The following DOK6 variants were observed in gnomAD, a reference collection of about 807,000 sequenced individuals.
DOK6 encodes the protein docking protein 6, also known as downstream of tyrosine kinase 6.
Under a neutral mutation model 44.0 loss-of-function variants are expected in DOK6, and 22 were observed. That is an observed-to-expected ratio of 0.50 (90% confidence interval 0.36 to 0.71). The LOEUF (loss-of-function observed/expected upper bound fraction) is 0.71. DOK6 is among the 30% of genes least tolerant of loss of function. The pLI, the probability that DOK6 is intolerant of heterozygous loss-of-function variation, is 0.00. For synonymous variants in DOK6, 166 were observed against 145.5 expected, an observed-to-expected ratio of 1.14 and a Z score of -1.01; for missense variants, 340 against 416.4, an observed-to-expected ratio of 0.82 and a Z score of 1.60.
At chr18:69,575,421 T>A (rs1214977094) in intron 2 of DOK6, among the ~76,000 whole-genome samples, 1 of 152,086 alleles carries the variant, frequency 6.6e-6, no homozygotes, top group African/African-American at 2.4e-5. Flanking sequence ...TCAAAGCCCA[T>A]GTGCAAAAGC....
At chr18:69,821,100 C>T (rs1319840857) in intron 7 of DOK6, among the ~76,000 whole-genome samples, 1 of 152,030 alleles carries the variant, frequency 6.6e-6, no homozygotes, top group African/African-American at 2.4e-5. Context: ...ATTACATTAT[C>T]ATATTTTTGT....
chr18:69,433,996 C>T (rs1340598728), intron 1 of DOK6, among the ~76,000 whole-genome samples: 1 of 152,190 alleles, frequency 6.6e-6, no homozygotes, highest in Non-Finnish European at 1.5e-5. Context: ...ATTTCCTGAT[C>T]ACACATGATT....
intron 4 of DOK6, among the ~76,000 whole-genome samples, chr18:69,680,424 C>G (rs1986018807): frequency 6.6e-6 from 1 of 152,226 alleles, no homozygotes; most frequent in South Asian, 2.1e-4. Context: ...CTTTAAAGAA[C>G]TTCCATAACT....
chr18:69,734,727 A>T (rs1040297367), intron 5 of DOK6, among the ~76,000 whole-genome samples: 3 of 152,168 alleles, frequency 2.0e-5, no homozygotes, highest in African/African-American at 7.2e-5. Flanking sequence ...AGATGGACAA[A>T]ATTGCCAGAT....
At position 69,444,605 on chromosome 18, in the gene DOK6, G is replaced by C. The variant is rs559922629; in HGVS notation, c.66+43295G>C. Among the ~76,000 whole-genome samples, 5 of 148,326 alleles carry C rather than the reference G, an allele frequency of 3.4e-5. No individual in the cohort carries two copies. In the South Asian group the frequency reaches 1.1e-3, roughly 32 times the overall value. ...TTATTTTTATTTTTAATTTATATAA[G>C]TTATTATTGAGGCAAAGTTAACATA... is the stretch of plus-strand genomic sequence containing the variant. On this transcript the variant is annotated intron_variant, in intron 1 of 7. Transcript: ENST00000382713.
chr18:69,824,665 T>G (rs950123803), intron 7 of DOK6, among the ~76,000 whole-genome samples: 1 of 152,216 alleles, frequency 6.6e-6, no homozygotes, highest in Non-Finnish European at 1.5e-5. Flanking sequence ...CCAGTGTCCT[T>G]CAAATTTTTA....
At chr18:69,597,093 T>C (rs1340300383) in intron 2 of DOK6, among the ~76,000 whole-genome samples, 1 of 151,988 alleles carries the variant, frequency 6.6e-6, no homozygotes, top group African/African-American at 2.4e-5. Flanking sequence ...ATAAATATGA[T>C]GTAATGTTGG....
intron 3 of DOK6, among the ~76,000 whole-genome samples, chr18:69,613,816 TA>T (rs1469822044): frequency 6.6e-6 from 1 of 151,812 alleles, no homozygotes; most frequent in Non-Finnish European, 1.5e-5. Context: ...ATAATGAGGA[TA>T]TTTTTATAGG....
In DOK6 at chr18:69,692,262, T is replaced by A. The variant is rs372036815; in HGVS notation, c.410-6142T>A. Among the ~76,000 whole-genome samples, 27 of 152,300 alleles carry A rather than the reference T, an allele frequency of 1.8e-4. 1 individual carries two copies. In the South Asian group the frequency reaches 4.8e-3, roughly 27 times the overall value. Reference sequence around the variant, plus strand: ...TTAAAATTATCAATTACACCAGTCATCTCATCTGAGACATAAAGTTGACAA... The same window carrying A: ...TTAAAATTATCAATTACACCAGTCAACTCATCTGAGACATAAAGTTGACAA... On this transcript the variant is annotated intron_variant, in intron 4 of 7. Transcript: ENST00000382713.
intron 3 of DOK6, among the ~76,000 whole-genome samples, chr18:69,612,441 G>A (rs10084097): frequency 7.0e-6 from 1 of 143,410 alleles, no homozygotes; most frequent in Non-Finnish European, 1.6e-5. Flanking sequence ...ATGTGTGCGA[G>A]GGCGCATGTG....
At chr18:69,665,485 A>G (rs922865789) in intron 3 of DOK6, among the ~76,000 whole-genome samples, 4 of 152,136 alleles carry the variant, frequency 2.6e-5, no homozygotes, top group Non-Finnish European at 4.4e-5. Flanking sequence ...GTAATTTTGC[A>G]CTCTGGGAGG....
chr18:69,643,528 G>A (rs1984995315), intron 3 of DOK6: 1 of 152,050 alleles, frequency 6.6e-6, no homozygotes, highest in Non-Finnish European at 1.5e-5. Flanking sequence ...TGTAACTTTT[G>A]GGGATTGGCT....
intron 1 of DOK6, among the ~76,000 whole-genome samples, chr18:69,455,094 T>C (rs917930605): frequency 4.1e-5 from 6 of 147,350 alleles, no homozygotes; most frequent in Non-Finnish European, 7.4e-5. Flanking sequence ...AGAAAATAGC[T>C]GTGGAACATT....
intron 5 of DOK6, among the ~76,000 whole-genome samples, chr18:69,733,347 C>T (rs1251940650): frequency 6.6e-6 from 1 of 152,176 alleles, no homozygotes; most frequent in African/African-American, 2.4e-5. Flanking sequence ...TTTGTACATT[C>T]TTCCAGAGTT....
intron 5 of DOK6, among the ~76,000 whole-genome samples, chr18:69,718,154 A>G (rs535429249): frequency 6.6e-6 from 1 of 152,334 alleles, no homozygotes; most frequent in East Asian, 1.9e-4. Flanking sequence ...GAGACAATTA[A>G]GGGGTGGATT....
intron 1 of DOK6, among the ~76,000 whole-genome samples, chr18:69,532,428 T>C (rs375602806): frequency 6.6e-6 from 1 of 152,202 alleles, no homozygotes; most frequent in African/African-American, 2.4e-5. Context: ...AAAGTGAAAG[T>C]AGAAATTTTC....
At chr18:69,766,524 T>G (rs1258935057) in intron 7 of DOK6, among the ~76,000 whole-genome samples, 1 of 152,218 alleles carries the variant, frequency 6.6e-6, no homozygotes, top group Non-Finnish European at 1.5e-5. Flanking sequence ...TAATGCATAT[T>G]TGGGTTTACA....
Position 69,582,900 on chromosome 18 carries a change from TCTAA to T in DOK6, c.175-16481_175-16478del, listed in dbSNP as rs948983999. Among the ~76,000 whole-genome samples, 7 of 152,332 alleles carry T rather than the reference TCTAA, an allele frequency of 4.6e-5. No individual in the cohort carries two copies. The East Asian group carries it at 9.6e-4, about 21-fold the overall frequency. On this transcript the variant is annotated intron_variant, in intron 2 of 7. Transcript: ENST00000382713. ...CTATGTGTCCATTTTGCCAGTTGCT[TCTAA>T]CTGTTACTTGATATTCCATGGTTTA...
In DOK6 at chr18:69,662,089, C is replaced by T. The variant is rs561608389; in HGVS notation, c.290-15645C>T. 2 of 152,332 alleles carry T rather than the reference C, an allele frequency of 1.3e-5. 1 individual carries two copies. The highest frequency in any genetic ancestry group is 4.1e-4 in the South Asian group (2 of 4,830). 9.4% of individuals were successfully genotyped at this position (152,332 alleles called of 1,614,324 possible). Reference sequence around the variant, plus strand: ...CCCCCTGCCAGGTTCAAGTGATTCTCCCGCCTTAGCCTCCTGAGTAGCTGG... The same window carrying T: ...CCCCCTGCCAGGTTCAAGTGATTCTTCCGCCTTAGCCTCCTGAGTAGCTGG... On this transcript the variant is annotated intron_variant, in intron 3 of 7. Coordinates refer to ENST00000382713, the MANE Select transcript of DOK6 (RefSeq NM_152721.6).
Sources: allele counts gnomAD v4.1 joint callset (sites outside exome capture counted in the v4.1 genomes callset), GRCh38; gene constraint gnomAD v4.1.1; transcripts MANE v1.5; gene names NCBI Gene and HGNC (gene_info 2026-07-23, HGNC 2026-07-21).